The following GNB4 variants were observed in gnomAD, a reference collection of about 807,000 sequenced individuals.
GNB4 encodes guanine nucleotide-binding protein subunit beta-4.
In GNB4, 28 loss-of-function variants were observed where a neutral mutation model predicts 45.2. The ratio of observed to expected loss-of-function variants is 0.62; its 90% CI spans 0.46 to 0.85. GNB4 has a LOEUF of 0.85. Among genes scored for constraint, GNB4 ranks in the 40% least tolerant of loss-of-function variants. GNB4 has a pLI of 0.00. For missense variants in GNB4, 321 were observed against 425.4 expected (o/e 0.75, Z 2.16); for synonymous variants, 132 against 143.7 (o/e 0.92, Z 0.58).
the GNB4 span, among the ~76,000 whole-genome samples, chr3:179,497,310 A>T: frequency 1.3e-5 from 2 of 152,154 alleles, no homozygotes; most frequent in African/African-American, 4.8e-5. Context: ...ACATGAAAAG[A>T]AGGAAACAGA....
chr3:179,492,531 C>A, the GNB4 span, among the ~76,000 whole-genome samples: 2 of 152,114 alleles, frequency 1.3e-5, no homozygotes, highest in Admixed American at 1.3e-4. Context: ...GTGTCACATA[C>A]CCTGGAGCCC....
chr3:179,421,434 G>T (rs974899125), intron 2 of GNB4, among the ~76,000 whole-genome samples: 3 of 151,974 alleles, frequency 2.0e-5, no homozygotes, highest in Non-Finnish European at 2.9e-5. Flanking sequence ...CCAAACATCA[G>T]TTTTTTTCAA....
intron 8 of GNB4, among the ~76,000 whole-genome samples, chr3:179,412,995 C>T (rs1010171701): frequency 1.1e-4 from 16 of 152,024 alleles, no homozygotes; most frequent in Admixed American, 9.8e-4. Flanking sequence ...GCCTGGACAA[C>T]ATGGCAAAAC....
intron 8 of GNB4, among the ~76,000 whole-genome samples, chr3:179,407,141 C>T (rs1023403867): frequency 6.6e-6 from 1 of 152,052 alleles, no homozygotes; most frequent in Non-Finnish European, 1.5e-5. Flanking sequence ...TATCAGTCAA[C>T]GAAGGAGCGT....
chr3:179,519,780 G>C, the GNB4 span, among the ~76,000 whole-genome samples: 1 of 151,872 alleles, frequency 6.6e-6, no homozygotes, highest in Non-Finnish European at 1.5e-5. Context: ...TCCCTCCTCG[G>C]CAACCGATCA....
the GNB4 span, among the ~76,000 whole-genome samples, chr3:179,523,974 C>G: frequency 6.6e-6 from 1 of 152,138 alleles, no homozygotes; most frequent in Non-Finnish European, 1.5e-5. Context: ...AAGTTGGCAT[C>G]AGAGTTGGGG....
In GNB4 at chr3:179,400,152, T is replaced by C. The variant is rs1714243500; in HGVS notation, c.*1061A>G. 6.6e-6 allele frequency: 1 copy of C among 152,204 alleles called. No individual in the cohort carries two copies. The highest frequency in any genetic ancestry group is 2.1e-4 in the South Asian group (1 of 4,830). 9.4% of individuals were successfully genotyped at this position (152,204 alleles called of 1,614,324 possible). On this transcript the variant is annotated 3_prime_UTR_variant, in exon 10 of 10. Coordinates refer to ENST00000232564, the MANE Select transcript of GNB4 (RefSeq NM_021629.4). The stretch of plus-strand genomic sequence containing the variant: ...ACAAAAAGCTTAAAGGTTTAAGAAA[T>C]TTAAAGGCACAGATATTTCACATCA...
chr3:179,499,982 C>T, the GNB4 span, among the ~76,000 whole-genome samples: 3 of 151,992 alleles, frequency 2.0e-5, no homozygotes. Flanking sequence ...GGATATTAGC[C>T]CTTTGTCACA....
In GNB4 at chr3:179,399,205, T is replaced by TC. The variant is rs1393724698; in HGVS notation, c.*2007_*2008insG. The TC allele has an allele frequency of 6.6e-6, 1 of 152,162 alleles. No homozygotes were observed. The highest frequency in any genetic ancestry group is 1.5e-5 in the Non-Finnish European group (1 of 68,026). 9.4% of individuals were successfully genotyped at this position (152,162 alleles called of 1,614,324 possible). A position where few individuals can be genotyped will look rare whatever the true frequency, so the allele number is the denominator to read the frequency against. ...TTAATAGCAAAAGTTCATATAATTT[T>TC]TTTTTTTTCCAATTTGAGATGGAGT... On this transcript the variant is annotated 3_prime_UTR_variant, in exon 10 of 10. Coordinates refer to ENST00000232564, the MANE Select transcript of GNB4 (RefSeq NM_021629.4).
chr3:179,422,944 C>G (rs911642566), intron 2 of GNB4, among the ~76,000 whole-genome samples: 7 of 152,024 alleles, frequency 4.6e-5, no homozygotes, highest in African/African-American at 1.7e-4. Flanking sequence ...AGGTACCCAC[C>G]ACCACGCCCA....
intron 1 of GNB4, among the ~76,000 whole-genome samples, chr3:179,442,492 A>G (rs1372179020): frequency 6.6e-6 from 1 of 152,182 alleles, no homozygotes; most frequent in Admixed American, 6.5e-5. Context: ...ATAAATTATG[A>G]TTATGTAAAT....
At chr3:179,401,980 A>G (rs1714317038) in intron 9 of GNB4, among the ~76,000 whole-genome samples, 1 of 150,548 alleles carries the variant, frequency 6.6e-6, no homozygotes, top group Admixed American at 6.6e-5. Flanking sequence ...AAAAATTAGA[A>G]TACATCAAAT....
chr3:179,476,233 A>G, the GNB4 span, among the ~76,000 whole-genome samples: 1 of 152,248 alleles, frequency 6.6e-6, no homozygotes. Context: ...GAAAGGGGTA[A>G]CTGGTCCACA....
chr3:179,460,666 C>CTT, the GNB4 span, among the ~76,000 whole-genome samples: 5 of 151,558 alleles, frequency 3.3e-5, no homozygotes, highest in African/African-American at 7.3e-5. Context: ...CTAAATCAAC[C>CTT]TTTTTTTTAA....
the GNB4 span, among the ~76,000 whole-genome samples, chr3:179,517,902 G>C: frequency 6.6e-6 from 1 of 152,106 alleles, no homozygotes; most frequent in Non-Finnish European, 1.5e-5. Context: ...CTGACCATGT[G>C]GGGACGCCTG....
At chr3:179,422,949 C>T (rs944389004) in intron 2 of GNB4, among the ~76,000 whole-genome samples, 6 of 151,962 alleles carry the variant, frequency 3.9e-5, no homozygotes, top group Non-Finnish European at 8.8e-5. Context: ...CCCACCACCA[C>T]GCCCAGCTTT....
upstream of GNB4, among the ~76,000 whole-genome samples, chr3:179,453,862 A>C (rs1158798632): frequency 1.3e-5 from 2 of 152,074 alleles, no homozygotes; most frequent in Non-Finnish European, 2.9e-5. Flanking sequence ...AAAAAAAAAA[A>C]AACTTACTTG....
rs981275425 is a variant in GNB4, at chr3:179,399,729, A to G, written c.*1484T>C. On this transcript the variant is annotated 3_prime_UTR_variant, in exon 10 of 10. Coordinates refer to ENST00000232564, the MANE Select transcript of GNB4 (RefSeq NM_021629.4). ...GTAAAGTTTGGGAGTATTTAGGTTA[A>G]GTTACACATGTTCAAAAGTTAACAC... The G allele has an allele frequency of 1.3e-5, 2 of 152,256 alleles. No homozygotes were observed. Among genetic ancestry groups the G allele is most frequent in the African/African-American group, 4.8e-5 (2 of 41,468 alleles). The allele number at this position is 152,256 out of a possible 1,614,324, so 9.4% of individuals were successfully genotyped here. A position where few individuals can be genotyped will look rare whatever the true frequency, so the allele number is the denominator to read the frequency against.
chr3:179,526,389 G>A, the GNB4 span, among the ~76,000 whole-genome samples: 3 of 152,198 alleles, frequency 2.0e-5, no homozygotes, highest in African/African-American at 7.2e-5. Flanking sequence ...GCCCCAGATT[G>A]TATAGCTAGA....
Sources: allele counts gnomAD v4.1 joint callset (sites outside exome capture counted in the v4.1 genomes callset), GRCh38; gene constraint gnomAD v4.1.1; transcripts MANE v1.5; gene names NCBI Gene and HGNC (gene_info 2026-07-23, HGNC 2026-07-21).